The following ARAP2 variants were observed in gnomAD, a reference collection of about 807,000 sequenced individuals.
ARAP2 encodes arf-GAP with Rho-GAP domain, ANK repeat and PH domain-containing protein 2.
In ARAP2, 148 loss-of-function variants were observed where a neutral mutation model predicts 194.5. The ratio of observed to expected loss-of-function variants is 0.76; its 90% CI spans 0.67 to 0.87. ARAP2 has a LOEUF of 0.87. ARAP2 is among the 40% of genes least tolerant of loss of function. ARAP2 has a pLI of 0.00. For missense variants in ARAP2, 2,128 were observed against 1,989.7 expected, an observed-to-expected ratio of 1.07 and a Z score of -1.32; for synonymous variants, 695 against 683.5, an observed-to-expected ratio of 1.02 and a Z score of -0.26.
intron 6 of ARAP2, among the ~76,000 whole-genome samples, chr4:36,202,780 T>C (rs983696763): frequency 2.6e-5 from 4 of 151,850 alleles, no homozygotes; most frequent in Non-Finnish European, 5.9e-5. Context: ...CTAAAAGACA[T>C]CAAAGGGTTA....
chr4:36,052,837 G>A (rs886145190), intron 2 of ARAP2, among the ~76,000 whole-genome samples: 1 of 152,018 alleles, frequency 6.6e-6, no homozygotes, highest in African/African-American at 2.4e-5. Flanking sequence ...GCGTGGTGGC[G>A]GGTGCCTGTA....
chr4:36,107,544 A>G (rs896739261), intron 27 of ARAP2, 21 bp downstream of exon 27: 2 of 1,590,944 alleles, frequency 1.3e-6, no homozygotes, highest in East Asian at 2.3e-5. Context: ...CATAGCTGCA[A>G]TGTGAAGTAA....
intron 5 of ARAP2, among the ~76,000 whole-genome samples, chr4:36,020,256 C>A (rs1333081100): frequency 6.6e-6 from 1 of 152,118 alleles, no homozygotes; most frequent in African/African-American, 2.4e-5. Context: ...ATTAAAAATA[C>A]AAAAATTAGC....
At chr4:36,150,064 G>C (rs1730598240) in intron 16 of ARAP2, among the ~76,000 whole-genome samples, 1 of 152,130 alleles carries the variant, frequency 6.6e-6, no homozygotes, top group Non-Finnish European at 1.5e-5. Flanking sequence ...AACCATAGTA[G>C]ATGTGAGTCA....
At chr4:36,076,848 C>T (rs1326641466) in intron 31 of ARAP2, among the ~76,000 whole-genome samples, 2 of 152,120 alleles carry the variant, frequency 1.3e-5, no homozygotes, top group African/African-American at 4.8e-5. Flanking sequence ...CAAAATAGAA[C>T]TCTCCATTTC....
At chr4:36,222,054 T>C (rs888723743) in intron 2 of ARAP2, among the ~76,000 whole-genome samples, 1 of 152,126 alleles carries the variant, frequency 6.6e-6, no homozygotes, top group Non-Finnish European at 1.5e-5. Context: ...CTTTTAACTT[T>C]GAAATATAAA....
intron 2 of ARAP2, among the ~76,000 whole-genome samples, chr4:36,226,903 A>G (rs1003170172): frequency 6.6e-6 from 1 of 152,234 alleles, no homozygotes; most frequent in Admixed American, 6.5e-5. Context: ...GTGTACACAT[A>G]GTAAACCCTT....
intron 9 of ARAP2, among the ~76,000 whole-genome samples, chr4:36,009,066 T>C (rs977577193): frequency 2.0e-5 from 3 of 152,040 alleles, no homozygotes; most frequent in African/African-American, 7.2e-5. Flanking sequence ...GGTGAGGCTC[T>C]GGAAAAAAAG....
chr4:36,014,226 A>G (rs10050335), intron 8 of ARAP2, among the ~76,000 whole-genome samples: 4,922 of 23,334 alleles, frequency 0.21, 518 homozygotes, highest in African/African-American at 0.39. Context: ...GACCCTATCG[A>G]AAGAAAGAAA....
intron 27 of ARAP2, among the ~76,000 whole-genome samples, chr4:36,099,880 T>A (rs1431393141): frequency 6.6e-6 from 1 of 152,092 alleles, no homozygotes. Context: ...AAGTCCTTGT[T>A]TAATTAATGG....
At chr4:36,201,620 A>G (rs1744381387) in intron 6 of ARAP2, among the ~76,000 whole-genome samples, 1 of 152,180 alleles carries the variant, frequency 6.6e-6, no homozygotes, top group Admixed American at 6.5e-5. Flanking sequence ...GTAAAGTTTC[A>G]ACTGCTTTCA....
At chr4:36,042,280 T>A (rs1577634530) in intron 5 of ARAP2, among the ~76,000 whole-genome samples, 1 of 152,224 alleles carries the variant, frequency 6.6e-6, no homozygotes, top group African/African-American at 2.4e-5. Flanking sequence ...ACATTAATTA[T>A]GTAAAATTAG....
At chr4:36,223,680 T>C (rs569341852) in intron 2 of ARAP2, among the ~76,000 whole-genome samples, 38 of 151,832 alleles carry the variant, frequency 2.5e-4, no homozygotes, top group Non-Finnish European at 4.0e-4. Context: ...CCTGTTCCAA[T>C]AGAACTGGTA....
At chr4:36,110,785 C>T (rs139971419) in intron 26 of ARAP2, among the ~76,000 whole-genome samples, 80 of 151,940 alleles carry the variant, frequency 5.3e-4, no homozygotes, top group Admixed American at 1.4e-3. Flanking sequence ...ATCTCACCAA[C>T]GACAGTAATG....
At position 36,187,867 on chromosome 4, in the gene ARAP2, C is replaced by T. The variant is rs562708810; in HGVS notation, c.1558-296G>A. Among the ~76,000 whole-genome samples, 16 of 152,306 alleles carry T rather than the reference C, an allele frequency of 1.1e-4. No individual in the cohort carries two copies. In the South Asian group the frequency reaches 1.4e-3, roughly 14 times the overall value. On this transcript the variant is annotated intron_variant, in intron 7 of 32. Coordinates refer to ENST00000303965, the MANE Select transcript of ARAP2 (RefSeq NM_015230.4). ...AACTAGCAATACAGAGTTCCAAAAACCAGCAGCATGTTCTTTAAAACAATC... is the reference window on the plus strand; with the variant it reads ...AACTAGCAATACAGAGTTCCAAAAATCAGCAGCATGTTCTTTAAAACAATC...
chr4:36,210,022 C>A (rs1746385049), intron 6 of ARAP2, among the ~76,000 whole-genome samples: 1 of 152,132 alleles, frequency 6.6e-6, no homozygotes, highest in Admixed American at 6.6e-5. Context: ...TGAGCAAAAG[C>A]CAAACAGTGT....
chr4:36,229,227 T>C lies in ARAP2; in HGVS notation c.260A>G (p.Asp87Gly), dbSNP rs753199698. 4 of 1,614,100 alleles carry C rather than the reference T, an allele frequency of 2.5e-6. No individual in the cohort carries two copies. In the South Asian group the frequency reaches 4.4e-5, roughly 18 times the overall value. Residue 87 changes from aspartate (D) to glycine (G), a missense_variant, in exon 2 of 33, where the codon GAT (aspartate) becomes GGT (glycine). Transcript: ENST00000303965. The part of the protein sequence containing the change: ...YANVHKTKKN[D>G]DPSKDYHVPS... ...AACATGGTAATCCTTTGAAGGGTCA[T>C]CATTCTTCTTAGTTTTATGAACATT...
intron 8 of ARAP2, among the ~76,000 whole-genome samples, chr4:36,181,985 G>A (rs962442785): frequency 5.9e-5 from 9 of 152,292 alleles, no homozygotes; most frequent in African/African-American, 1.9e-4. Context: ...TCCAGCTGAG[G>A]AGCAGGCTGG....
chr4:36,037,773 A>G (rs1479290149), intron 5 of ARAP2, among the ~76,000 whole-genome samples: 1 of 152,120 alleles, frequency 6.6e-6, no homozygotes, highest in Non-Finnish European at 1.5e-5. Flanking sequence ...TTTAAAATTC[A>G]CCAATATTTT....
Sources: gnomAD v4.1 joint callset for allele counts (sites outside exome capture counted in the v4.1 genomes callset) on GRCh38, gnomAD v4.1.1 for gene constraint, MANE v1.5 for transcripts, NCBI Gene and HGNC (gene_info 2026-07-23, HGNC 2026-07-21) for gene names.